The following ANKRD11 variants were observed in gnomAD, a reference collection of about 807,000 sequenced individuals.
ANKRD11 encodes ankyrin repeat domain 11.
ANKRD11 carries 17 observed loss-of-function variants against 195.7 expected under a neutral mutation model. The observed-to-expected ratio is 0.09, with a 90% CI of 0.06 to 0.13. ANKRD11 has a LOEUF of 0.13. ANKRD11 is among the 10% of genes least tolerant of loss of function. ANKRD11 has a pLI of 1.00. For missense variants in ANKRD11, 3,735 were observed against 3,566.1 expected (o/e 1.05, Z -1.21); for synonymous variants, 1,953 against 1,528.1 (o/e 1.28, Z -6.49).
intron 2 of ANKRD11, among the ~76,000 whole-genome samples, chr16:89,370,198 A>G (rs974893869): frequency 6.6e-6 from 1 of 152,172 alleles, no homozygotes; most frequent in Non-Finnish European, 1.5e-5. Context: ...GCTGGGGTGG[A>G]GCTGCTTCTT....
chr16:89,350,227 G>A (rs938563879), intron 2 of ANKRD11, among the ~76,000 whole-genome samples: 1 of 152,182 alleles, frequency 6.6e-6, no homozygotes, highest in Admixed American at 6.5e-5. Context: ...ATTCAACGCT[G>A]GTGGGAACAC....
chr16:89,288,137 G>A (rs1169605697), intron 7 of ANKRD11: 2 of 601,926 alleles, frequency 3.3e-6, no homozygotes, highest in Non-Finnish European at 5.9e-6. Context: ...ACACCTCTTG[G>A]TGTTACCTCA....
At chr16:89,419,378 G>T (rs115168300) in intron 1 of ANKRD11, among the ~76,000 whole-genome samples, 2 of 151,712 alleles carry the variant, frequency 1.3e-5, no homozygotes, top group African/African-American at 2.4e-5. Flanking sequence ...ACTTGAATCT[G>T]CGAGGCAAAG....
At chr16:89,425,570 T>C (rs759754104) in intron 1 of ANKRD11, among the ~76,000 whole-genome samples, 1 of 152,198 alleles carries the variant, frequency 6.6e-6, no homozygotes, top group Non-Finnish European at 1.5e-5. Flanking sequence ...CTATCCACTC[T>C]GATCAAACCA....
chr16:89,278,699 G>A (rs1000564624), intron 9 of ANKRD11: 2 of 489,410 alleles, frequency 4.1e-6, no homozygotes, highest in South Asian at 1.5e-5. Context: ...GGCGGGGCAG[G>A]GGCAGGAGAC....
chr16:89,332,114 T>C (rs2038098355), intron 2 of ANKRD11, among the ~76,000 whole-genome samples: 1 of 151,864 alleles, frequency 6.6e-6, no homozygotes, highest in Non-Finnish European at 1.5e-5. Flanking sequence ...ATGGCAAGAT[T>C]CCATCTCCAT....
rs2034255765 is a variant in ANKRD11, at chr16:89,281,598, T to C, written c.4944A>G (p.Pro1648=). The C allele has an allele frequency of 1.2e-6, 2 of 1,614,204 alleles. No individual in the cohort carries two copies. The highest frequency in any genetic ancestry group is 1.7e-6 in the Non-Finnish European group (2 of 1,180,028). ...PAKKPPGLDP[P]FKDKKLKEST... ...ACTCTTTGAGCTTTTTGTCTTTAAA[T>C]GGAGGGTCCAGCCCCGGCGGTTTCT... Residue 1648 remains proline (P), a synonymous_variant, in exon 9 of 13, where the codon CCA becomes CCG. Coordinates refer to ENST00000301030, the MANE Select transcript of ANKRD11 (RefSeq NM_013275.6). The surrounding 1 kb of genome is among the most constrained non-coding windows in gnomAD (Gnocchi z 5.5).
chr16:89,309,547 G>A (rs1208136814), intron 3 of ANKRD11, among the ~76,000 whole-genome samples: 1 of 152,132 alleles, frequency 6.6e-6, no homozygotes, highest in African/African-American at 2.4e-5. Context: ...ACACCTCAAC[G>A]AGCTGCGCAA....
chr16:89,401,886 A>G (rs62068601), intron 2 of ANKRD11, among the ~76,000 whole-genome samples: 890 of 120,708 alleles, frequency 7.4e-3, no homozygotes, highest in African/African-American at 9.0e-3. Flanking sequence ...CCCGCCGGGC[A>G]CACCAGAGAC....
Position 89,380,643 on chromosome 16 carries a change from G to A in ANKRD11, c.-60+37641C>T, listed in dbSNP as rs191332931. Among the ~76,000 whole-genome samples the A allele has an allele frequency of 2.0e-5, 3 of 152,326 alleles. No homozygotes were observed. In the East Asian group the frequency reaches 5.8e-4, roughly 29 times the overall value. ...TGTTAAAAGACAATAACCAATAGGAGACAGGCTTCTAGATCTGCAGAAACT... is the reference window on the plus strand; with the variant it reads ...TGTTAAAAGACAATAACCAATAGGAAACAGGCTTCTAGATCTGCAGAAACT... On this transcript the variant is annotated intron_variant, in intron 2 of 12. Coordinates refer to ENST00000301030, the MANE Select transcript of ANKRD11 (RefSeq NM_013275.6).
At chr16:89,484,397 C>A (rs1314702869) in intron 1 of ANKRD11, among the ~76,000 whole-genome samples, 1 of 152,072 alleles carries the variant, frequency 6.6e-6, no homozygotes, top group Non-Finnish European at 1.5e-5. Context: ...CATCATCATC[C>A]AGAATTAAAC....
rs1416830705 is a variant in ANKRD11 at position 89,285,692 on chromosome 16, C to T, written c.893-43G>A. ...CGAGAGGTCACAGGCAGGCTCAAAA[C>T]AGCTCTCCCCAGAATGGCAGAGGAG... On this transcript the variant is annotated intron_variant, in intron 8 of 12. Transcript: ENST00000301030. The surrounding 1 kb of genome is among the most constrained non-coding windows in gnomAD (Gnocchi z 5.6). The T allele has an allele frequency of 6.3e-7, 1 of 1,599,602 alleles. No homozygotes were observed. The highest frequency in any genetic ancestry group is 1.7e-5 in the Admixed American group (1 of 59,982).
chr16:89,282,729 C>T lies in ANKRD11; in HGVS notation c.3813G>A (p.Ser1271=), dbSNP rs368590420. 1.1e-5 allele frequency: 18 copies of T among 1,613,774 alleles called. No homozygotes were observed. The highest frequency in any genetic ancestry group is 2.2e-5 in the South Asian group (2 of 91,070). The part of the protein sequence containing the change: ...DKEHSKERKS[S]RSADAEKSLL... Reference sequence around the variant, plus strand: ...GGCTTTTTTCCGCGTCGGCACTTCTCGAGGACTTCCTCTCCTTGGAATGTT... The same window carrying T: ...GGCTTTTTTCCGCGTCGGCACTTCTTGAGGACTTCCTCTCCTTGGAATGTT... Residue 1271 remains serine (S), a synonymous_variant, in exon 9 of 13, where the codon TCG becomes TCA. Coordinates refer to ENST00000301030, the MANE Select transcript of ANKRD11 (RefSeq NM_013275.6).
At chr16:89,457,006 C>T (rs1217022870) in intron 1 of ANKRD11, among the ~76,000 whole-genome samples, 1 of 144,994 alleles carries the variant, frequency 6.9e-6, no homozygotes, top group Admixed American at 7.1e-5. Context: ...GTCGCCCAGG[C>T]TGGAGTGCAG....
intron 11 of ANKRD11, 43 bp from the exon 12 acceptor site, chr16:89,270,952 A>C (rs2033097700): frequency 6.3e-7 from 1 of 1,597,428 alleles, no homozygotes; most frequent in African/African-American, 1.3e-5. Flanking sequence ...AGCCCCAGAG[A>C]CCGCTACGGG....
chr16:89,438,967 G>A (rs1311987939), intron 1 of ANKRD11, among the ~76,000 whole-genome samples: 4 of 151,216 alleles, frequency 2.6e-5, no homozygotes, highest in African/African-American at 9.7e-5. Flanking sequence ...ACTCCAGCCT[G>A]AACGACAGAG....
chr16:89,402,087 C>T lies in ANKRD11; in HGVS notation c.-60+16197G>A, dbSNP rs181276759. Reference sequence around the variant, plus strand: ...CCCGAAAGACCCCCACACCAAGTTTCACTCTCTGTCCATGGACCTCTTTAA... The same window carrying T: ...CCCGAAAGACCCCCACACCAAGTTTTACTCTCTGTCCATGGACCTCTTTAA... On this transcript the variant is annotated intron_variant, in intron 2 of 12. Transcript: ENST00000301030. Among the ~76,000 whole-genome samples, 4 of 152,284 alleles carry T rather than the reference C, an allele frequency of 2.6e-5. No individual in the cohort carries two copies. In the East Asian group the frequency reaches 7.7e-4, roughly 29 times the overall value.
At chr16:89,478,010 G>A (rs1270106739) in intron 1 of ANKRD11, among the ~76,000 whole-genome samples, 3 of 152,176 alleles carry the variant, frequency 2.0e-5, no homozygotes, top group Non-Finnish European at 4.4e-5. Context: ...TTCTTGGTAT[G>A]TATTCTTTCT....
In ANKRD11 at chr16:89,284,241, C is replaced by T. The variant is rs781764520; in HGVS notation, c.2301G>A (p.Lys767=). Residue 767 remains lysine (K), a synonymous_variant, in exon 9 of 13, where the codon AAG becomes AAA. Coordinates refer to ENST00000301030, the MANE Select transcript of ANKRD11 (RefSeq NM_013275.6). ...KLRLYKEERK[K]KSKDRPSKLE... ...ATTTTGAGGGCCGGTCTTTTGATTT[C>T]TTCTTTCTCTCCTCTTTGTACAGTC... The T allele has an allele frequency of 2.5e-5, 40 of 1,612,640 alleles. No homozygotes were observed. Among genetic ancestry groups the T allele is most frequent in the Non-Finnish European group, 3.1e-5 (36 of 1,179,796 alleles).
Sources: allele counts gnomAD v4.1 joint callset (sites outside exome capture counted in the v4.1 genomes callset), GRCh38; gene constraint gnomAD v4.1.1; non-coding constraint Gnocchi (gnomAD v3.1); transcripts MANE v1.5; gene names NCBI Gene and HGNC (gene_info 2026-07-23, HGNC 2026-07-21).